ZFP37: variants seen among roughly 807,000 people sequenced by gnomAD.
The protein encoded by ZFP37 is ZFP37 zinc finger protein, also known as zinc finger protein 37 homolog.
In ZFP37, 38 loss-of-function variants were observed where a neutral mutation model predicts 52.1. The ratio of observed to expected loss-of-function variants is 0.73; its 90% CI spans 0.56 to 0.96. The LOEUF (loss-of-function observed/expected upper bound fraction) is 0.96. ZFP37 is among the 40% of genes least tolerant of loss of function. ZFP37 has a pLI of 0.00. For missense variants in ZFP37, 695 were observed against 741.4 expected, an observed-to-expected ratio of 0.94 and a Z score of 0.73; for synonymous variants, 253 against 259.5, an observed-to-expected ratio of 0.98 and a Z score of 0.24.
At chr9:113,054,602 C>T (rs139618720) in intron 1 of ZFP37, among the ~76,000 whole-genome samples, 1 of 152,192 alleles carries the variant, frequency 6.6e-6, no homozygotes, top group African/African-American at 2.4e-5. Flanking sequence ...ACCCCAGATC[C>T]CATTTCCATC....
At chr9:113,048,985 T>C (rs915326174) in intron 3 of ZFP37, among the ~76,000 whole-genome samples, 2 of 152,138 alleles carry the variant, frequency 1.3e-5, no homozygotes, top group East Asian at 3.8e-4. Context: ...AAAGATAATA[T>C]GGAATAGGGC....
chr9:113,043,244 C>G lies in ZFP37; in HGVS notation c.1374G>C (p.Glu458Asp), dbSNP rs2118684671. ...CACATTCATTACATTCAAAGGGTTT[C>G]TCACCTGTATGAATTCTCATGTGTT... is the stretch of plus-strand genomic sequence containing the variant. ...LTKHMRIHTG[E>D]KPFECNECGK... The change falls in exon 4 of 4, where the codon GAG becomes GAC. Residue 458 changes from glutamate to aspartate, a missense_variant. Glu to Asp is a conservative substitution (Grantham distance 45). This residue lies in a region of ZFP37 where 326 missense variants were observed against 400.5 expected (regional missense o/e 0.81). Transcript: ENST00000374227. 6.2e-7 allele frequency: 1 copy of G among 1,613,902 alleles called. No homozygotes were observed. The highest frequency in any genetic ancestry group is 8.5e-7 in the Non-Finnish European group (1 of 1,179,962).
intron 1 of ZFP37, among the ~76,000 whole-genome samples, chr9:113,055,810 G>A (rs570132496): frequency 6.6e-6 from 1 of 152,164 alleles, no homozygotes; most frequent in South Asian, 2.1e-4. Context: ...TAGACTTCTA[G>A]TCACAGAATC....
At position 113,056,536 on chromosome 9, in the gene ZFP37, C is replaced by G. The variant is rs74590060; in HGVS notation, c.132+21G>C. On this transcript the variant is annotated intron_variant, in intron 1 of 3. Transcript: ENST00000374227. ...CACCATCTCTGACCGCCAAAACACC[C>G]TGTCTCATCACAGCTCTCACCGCGG... The G allele has an allele frequency of 1.0e-3, 1,689 of 1,611,858 alleles. 17 individuals carry two copies. The African/African-American group carries it at 0.019, about 18-fold the overall frequency.
intron 2 of ZFP37, 114 bp downstream of exon 2, chr9:113,049,677 C>T: frequency 2.0e-6 from 3 of 1,472,226 alleles, no homozygotes; most frequent in Non-Finnish European, 1.8e-6. Flanking sequence ...TGCCTAGTAC[C>T]CAAAAAAGAA....
chr9:113,048,323 G>A (rs1828995397), intron 3 of ZFP37, among the ~76,000 whole-genome samples: 2 of 152,174 alleles, frequency 1.3e-5, no homozygotes, highest in African/African-American at 4.8e-5. Context: ...CAGGGCAGGA[G>A]CATCATGCCA....
intron 1 of ZFP37, among the ~76,000 whole-genome samples, chr9:113,051,065 A>C (rs1392234632): frequency 1.3e-5 from 2 of 152,284 alleles, no homozygotes; most frequent in Middle Eastern, 3.4e-3. Context: ...AAGAGAATGA[A>C]TGATTTTTAA....
intron 1 of ZFP37, among the ~76,000 whole-genome samples, chr9:113,055,657 C>T (rs1332595168): frequency 6.6e-6 from 1 of 152,150 alleles, no homozygotes; most frequent in Non-Finnish European, 1.5e-5. Context: ...CCTTCACAAA[C>T]TTCTCCCAAT....
At position 113,041,366 on chromosome 9, in the gene ZFP37, C is replaced by T. The variant is rs1828843785; in HGVS notation, c.*1359G>A. 1 of 152,208 alleles carries T rather than the reference C, an allele frequency of 6.6e-6. No individual in the cohort carries two copies. Among genetic ancestry groups the T allele is most frequent in the Non-Finnish European group, 1.5e-5 (1 of 68,032 alleles). The allele number at this position is 152,208 out of a possible 1,614,324, so 9.4% of individuals were successfully genotyped here. On this transcript the variant is annotated 3_prime_UTR_variant, in exon 4 of 4. Coordinates refer to ENST00000374227, the MANE Select transcript of ZFP37 (RefSeq NM_003408.3). Reference sequence around the variant, plus strand: ...CTGCACAATGATTCTGAGGCCAACTCTGGGTTCACTCAGAAAGAGTACAGT... The same window carrying T: ...CTGCACAATGATTCTGAGGCCAACTTTGGGTTCACTCAGAAAGAGTACAGT...
chr9:113,044,741 C>T (rs565095559), intron 3 of ZFP37, among the ~76,000 whole-genome samples: 1 of 152,210 alleles, frequency 6.6e-6, no homozygotes, highest in South Asian at 2.1e-4. Context: ...AGATGTCCAA[C>T]AAGATTCTTT....
chr9:113,043,283 G>A lies in ZFP37; in HGVS notation c.1335C>T (p.Ser445=). 1 of 1,613,886 alleles carries A rather than the reference G, an allele frequency of 6.2e-7. No homozygotes were observed. Among genetic ancestry groups the A allele is most frequent in the Non-Finnish European group, 8.5e-7 (1 of 1,179,950 alleles). The change falls in exon 4 of 4, where the codon AGC becomes AGT. Residue 445 remains serine (S), a synonymous_variant. Transcript: ENST00000374227. ...CNECGKAFKY[S]SSLTKHMRIH... ...TTCTCATGTGTTTAGTAAGGGATGA[G>A]CTATACTTAAAGGCTTTTCCACATT...
Position 113,041,901 on chromosome 9 carries a change from C to T in ZFP37, c.*824G>A, listed in dbSNP as rs1828853324. ...CCAAATATACAAGGAAGTCTTGCTCCTATCCTAGACCCCAGTCCTATACTC... is the reference window on the plus strand; with the variant it reads ...CCAAATATACAAGGAAGTCTTGCTCTTATCCTAGACCCCAGTCCTATACTC... On this transcript the variant is annotated 3_prime_UTR_variant, in exon 4 of 4. Coordinates refer to ENST00000374227, the MANE Select transcript of ZFP37 (RefSeq NM_003408.3). The T allele has an allele frequency of 1.3e-5, 2 of 152,146 alleles. No individual in the cohort carries two copies. The highest frequency in any genetic ancestry group is 4.1e-4 in the South Asian group (2 of 4,822). The allele number at this position is 152,146 out of a possible 1,614,324, so 9.4% of individuals were successfully genotyped here.
rs1033986667 is a variant in ZFP37, at chr9:113,042,638, A to G, written c.*87T>C. ...GTACAACAAGGTGTGACATCTTGCT[A>G]AAGGCTTTCTAACACTCTTTAAAAT... On this transcript the variant is annotated 3_prime_UTR_variant, in exon 4 of 4. Transcript: ENST00000374227. The G allele has an allele frequency of 1.2e-4, 148 of 1,202,566 alleles. No individual in the cohort carries two copies. The highest frequency in any genetic ancestry group is 1.0e-4 in the Non-Finnish European group (90 of 883,292). 74.5% of individuals were successfully genotyped at this position (1,202,566 alleles called of 1,614,324 possible).
In ZFP37 at chr9:113,052,048, C is replaced by T. The variant is rs73546524; in HGVS notation, c.133-2176G>A. Among the ~76,000 whole-genome samples, 498 of 152,278 alleles carry T rather than the reference C, an allele frequency of 3.3e-3. 5 individuals carry two copies. The highest frequency in any genetic ancestry group is 0.012 in the African/African-American group (484 of 41,562). On this transcript the variant is annotated intron_variant, in intron 1 of 3. Coordinates refer to ENST00000374227, the MANE Select transcript of ZFP37 (RefSeq NM_003408.3). The surrounding 1 kb of genome is among the most constrained non-coding windows in gnomAD (Gnocchi z 4.1). The stretch of plus-strand genomic sequence containing the variant: ...CCCACAGGACACTGGTAATCTATCT[C>T]CTATTACCCCAAATCCCTCATCTTA...
Position 113,043,302 on chromosome 9 carries a change from C to CCA in ZFP37, c.1314_1315dup (p.Gly439ValfsTer15). On this transcript the variant is annotated frameshift_variant, in exon 4 of 4. Transcript: ENST00000374227. LOFTEE classifies it high-confidence loss of function. The stretch of plus-strand genomic sequence containing the variant: ...GGATGAGCTATACTTAAAGGCTTTT[C>CCA]CACATTCATTGCATTCATATGGTAT... 1 of 1,613,990 alleles carries CCA rather than the reference C, an allele frequency of 6.2e-7. No individual in the cohort carries two copies. Among genetic ancestry groups the CCA allele is most frequent in the African/African-American group, 1.3e-5 (1 of 75,048 alleles).
At chr9:113,049,966 G>A in intron 1 of ZFP37, 94 bp from the exon 2 acceptor site, 2 of 1,582,166 alleles carry the variant, frequency 1.3e-6, no homozygotes. Flanking sequence ...CATTTGGTGA[G>A]TGATTTGGAC....
intron 1 of ZFP37, among the ~76,000 whole-genome samples, chr9:113,051,788 A>G (rs371630996): frequency 6.6e-6 from 1 of 152,096 alleles, no homozygotes; most frequent in Non-Finnish European, 1.5e-5. Context: ...AAAGTCATCA[A>G]ATTAGCCCCA....
rs559269132 is a variant in ZFP37, at chr9:113,043,790, G to A, written c.828C>T (p.Ser276=). 6.2e-7 allele frequency: 1 copy of A among 1,614,014 alleles called. No homozygotes were observed. The highest frequency in any genetic ancestry group is 8.5e-7 in the Non-Finnish European group (1 of 1,179,968). The change falls in exon 4 of 4, where the codon AGC becomes AGT. Residue 276 remains serine (S), a synonymous_variant. Transcript: ENST00000374227. ...QTGEKHEKSP[S]LSSSTKHEKP... is the part of the protein sequence containing the mutation. The stretch of plus-strand genomic sequence containing the variant: ...TTTCATGCTTAGTAGATGAGCTAAG[G>A]CTGGGTGATTTCTCATGTTTCTCTC...
rs1237517571 is a variant in ZFP37 at position 113,040,920 on chromosome 9, G to C, written c.*1805C>G. ...TCTCTGCTTTTAGTGTAACAACTTA[G>C]ATTTCAAAATAGTTCAGAAGTTTTG... On this transcript the variant is annotated 3_prime_UTR_variant, in exon 4 of 4. Coordinates refer to ENST00000374227, the MANE Select transcript of ZFP37 (RefSeq NM_003408.3). 2 of 152,064 alleles carry C rather than the reference G, an allele frequency of 1.3e-5. No individual in the cohort carries two copies. The highest frequency in any genetic ancestry group is 1.3e-4 in the Admixed American group (2 of 15,234). 9.4% of individuals were successfully genotyped at this position (152,064 alleles called of 1,614,324 possible).
Sources: allele counts gnomAD v4.1 joint callset (sites outside exome capture counted in the v4.1 genomes callset), GRCh38; gene constraint gnomAD v4.1.1; regional missense constraint gnomAD v4.1.1; non-coding constraint Gnocchi (gnomAD v3.1); transcripts MANE v1.5; gene names NCBI Gene and HGNC (gene_info 2026-07-23, HGNC 2026-07-21).